SLC4A4: variants seen among roughly 807,000 people sequenced by gnomAD.
The protein encoded by SLC4A4 is electrogenic sodium bicarbonate cotransporter 1.
A neutral mutation model predicts 111.5 loss-of-function variants in SLC4A4; 27 were observed. The ratio of observed to expected loss-of-function variants is 0.24; its 90% CI spans 0.18 to 0.33. SLC4A4 has a LOEUF of 0.33. Ranked by LOEUF, SLC4A4 falls within the 10% of genes least tolerant of loss-of-function variation. The pLI, the probability that SLC4A4 is intolerant of heterozygous loss-of-function variation, is 1.00. For missense variants in SLC4A4, 909 were observed against 1,315.5 expected (o/e 0.69, Z 4.78); for synonymous variants, 443 against 463.4 (o/e 0.96, Z 0.57).
At position 71,235,222 on chromosome 4, in the gene SLC4A4, G is replaced by A. The variant is rs764541832; in HGVS notation, c.-1-1354G>A. On this transcript the variant is annotated intron_variant, in intron 1 of 25. Coordinates refer to ENST00000264485, the MANE Select transcript of SLC4A4 (RefSeq NM_001098484.3). The stretch of plus-strand genomic sequence containing the variant: ...GTGGTAGAGCTAGATTTCTTAAACC[G>A]GGGGCTACCTGACACCAAATTTCTC... Among the ~76,000 whole-genome samples, 5 of 152,228 alleles carry A rather than the reference G, an allele frequency of 3.3e-5. No homozygotes were observed. In the East Asian group the frequency reaches 7.7e-4, roughly 24 times the overall value.
chr4:71,488,043 A>C (rs2149133592), intron 15 of SLC4A4, among the ~76,000 whole-genome samples: 1 of 151,546 alleles, frequency 6.6e-6, no homozygotes, highest in East Asian at 1.9e-4. Flanking sequence ...TATTGCCTAA[A>C]AGGTCTTGCC....
intron 3 of SLC4A4, among the ~76,000 whole-genome samples, chr4:71,318,600 G>T (rs1726879018): frequency 6.6e-6 from 1 of 151,928 alleles, no homozygotes; most frequent in Admixed American, 6.6e-5. Context: ...TCTGTTTAGG[G>T]AATTCATTTA....
At chr4:71,482,700 T>A (rs928216116) in intron 14 of SLC4A4, among the ~76,000 whole-genome samples, 2 of 151,662 alleles carry the variant, frequency 1.3e-5, no homozygotes, top group East Asian at 3.9e-4. Context: ...TATCTGTAAT[T>A]TCATATATGT....
intron 2 of SLC4A4, among the ~76,000 whole-genome samples, chr4:71,133,112 G>A (rs1223339064): frequency 6.6e-6 from 1 of 152,038 alleles, no homozygotes; most frequent in Non-Finnish European, 1.5e-5. Flanking sequence ...AATTTTTATT[G>A]TAATTTGGAA....
chr4:71,152,261 A>C (rs1261026869), intron 2 of SLC4A4, among the ~76,000 whole-genome samples: 1 of 152,048 alleles, frequency 6.6e-6, no homozygotes, highest in Non-Finnish European at 1.5e-5. Context: ...ATTTCCTCTG[A>C]TCTTTAATAC....
At chr4:71,487,982 C>A (rs1048815581) in intron 15 of SLC4A4, among the ~76,000 whole-genome samples, 5 of 151,432 alleles carry the variant, frequency 3.3e-5, no homozygotes, top group African/African-American at 1.2e-4. Context: ...ATATGTTTTA[C>A]CACATGCATA....
chr4:71,571,103 T>C lies in SLC4A4; in HGVS notation c.*3352T>C, dbSNP rs897396463. 1 of 152,268 alleles carries C rather than the reference T, an allele frequency of 6.6e-6. No individual in the cohort carries two copies. Among genetic ancestry groups the C allele is most frequent in the African/African-American group, 2.4e-5 (1 of 41,406 alleles). The allele number at this position is 152,268 out of a possible 1,614,324, so 9.4% of individuals were successfully genotyped here. A position where few individuals can be genotyped will look rare whatever the true frequency, so the allele number is the denominator to read the frequency against. Reference sequence around the variant, plus strand: ...TTATCAACTGTATACTGGTGTTTAATAGAGAATGATTGTCTTCCGAGTTTT... The same window carrying C: ...TTATCAACTGTATACTGGTGTTTAACAGAGAATGATTGTCTTCCGAGTTTT... On this transcript the variant is annotated 3_prime_UTR_variant, in exon 26 of 26. Coordinates refer to ENST00000264485, the MANE Select transcript of SLC4A4 (RefSeq NM_001098484.3).
chr4:71,217,360 T>C (rs1578612212), intron 1 of SLC4A4, among the ~76,000 whole-genome samples: 1 of 151,330 alleles, frequency 6.6e-6, no homozygotes, highest in Non-Finnish European at 1.5e-5. Context: ...AGGTCAGGAG[T>C]TTGTGACCAG....
At chr4:71,524,979 G>A (rs1450788592) in intron 16 of SLC4A4, among the ~76,000 whole-genome samples, 1 of 152,108 alleles carries the variant, frequency 6.6e-6, no homozygotes, top group Non-Finnish European at 1.5e-5. Context: ...AGGAGCAGCT[G>A]CAGCCCTTGC....
At chr4:71,352,158 A>G (rs925083434) in intron 5 of SLC4A4, among the ~76,000 whole-genome samples, 1 of 152,206 alleles carries the variant, frequency 6.6e-6, no homozygotes, top group Non-Finnish European at 1.5e-5. Flanking sequence ...ATTGGCAACA[A>G]TCAATCCAGT....
intron 7 of SLC4A4, among the ~76,000 whole-genome samples, chr4:71,439,000 T>G (rs1449243149): frequency 6.6e-6 from 1 of 150,436 alleles, no homozygotes; most frequent in African/African-American, 2.5e-5. Flanking sequence ...AATAGTTCTA[T>G]CTCAGAAAAA....
intron 3 of SLC4A4, among the ~76,000 whole-genome samples, chr4:71,263,837 A>T (rs1722044678): frequency 6.6e-6 from 1 of 152,198 alleles, no homozygotes; most frequent in Non-Finnish European, 1.5e-5. Flanking sequence ...TTACAATATT[A>T]AAATGCCTGA....
intron 1 of SLC4A4, among the ~76,000 whole-genome samples, chr4:71,207,866 G>A (rs1202432762): frequency 1.3e-5 from 2 of 152,188 alleles, no homozygotes; most frequent in African/African-American, 4.8e-5. Flanking sequence ...AGGTTGGAGT[G>A]CAGTAGTGCA....
chr4:71,081,734 C>T lies in SLC4A4; in HGVS notation c.-64-10996C>T, dbSNP rs111562071. 3.8e-3 allele frequency among the ~76,000 whole-genome samples: 573 copies of T among 152,116 alleles called. 13 individuals carry two copies. The highest frequency in any genetic ancestry group is 0.013 in the African/African-American group (552 of 41,392). ...TCTGATGTTGCATCTGTCTTCGAAC[C>T]CGGGAATCTAGGACTTTGCTACCAC... is the stretch of plus-strand genomic sequence containing the variant. On this transcript the variant is annotated intron_variant, in intron 1 of 26. Transcript: ENST00000649996.
At chr4:71,225,632 G>A (rs1026272) in intron 1 of SLC4A4, among the ~76,000 whole-genome samples, 4,281 of 152,196 alleles carry the variant, frequency 0.028, 204 homozygotes, top group African/African-American at 0.098. Flanking sequence ...AGGTAGGAAG[G>A]TTTGCCTAAA....
At chr4:71,323,273 A>G (rs932084644) in intron 3 of SLC4A4, among the ~76,000 whole-genome samples, 1 of 152,046 alleles carries the variant, frequency 6.6e-6, no homozygotes, top group Non-Finnish European at 1.5e-5. Context: ...CTTAAGGATA[A>G]TAATTGTTAA....
intron 3 of SLC4A4, among the ~76,000 whole-genome samples, chr4:71,329,574 T>C (rs1368881538): frequency 6.6e-6 from 1 of 152,102 alleles, no homozygotes; most frequent in African/African-American, 2.4e-5. Context: ...ATTTTATTTG[T>C]AATGATTATA....
chr4:71,111,990 C>T (rs745316108), intron 2 of SLC4A4, among the ~76,000 whole-genome samples: 4 of 152,208 alleles, frequency 2.6e-5, no homozygotes, highest in African/African-American at 4.8e-5. Flanking sequence ...AACCACTGTG[C>T]TTGGCCTTAA....
chr4:71,172,923 CTG>C (rs1744983445), intron 2 of SLC4A4, among the ~76,000 whole-genome samples: 1 of 152,222 alleles, frequency 6.6e-6, no homozygotes, highest in African/African-American at 2.4e-5. Context: ...ATGCCTGAAA[CTG>C]TGTATAGTAC....
Sources: allele counts gnomAD v4.1 joint callset (sites outside exome capture counted in the v4.1 genomes callset), GRCh38; gene constraint gnomAD v4.1.1; transcripts MANE v1.5; gene names NCBI Gene and HGNC (gene_info 2026-07-23, HGNC 2026-07-21).